DTNA: variants seen among roughly 807,000 people sequenced by gnomAD.
DTNA encodes the protein dystrophin-related protein 3.
DTNA carries 43 observed loss-of-function variants against 100.7 expected under a neutral mutation model. The ratio of observed to expected loss-of-function variants is 0.43; its 90% confidence interval spans 0.33 to 0.55. DTNA has a LOEUF of 0.55. Ranked by LOEUF, DTNA falls within the 20% of genes least tolerant of loss-of-function variation. DTNA has a pLI of 0.04. For synonymous variants in DTNA, 349 were observed against 347.9 expected (o/e 1.00, Z -0.04); for missense variants, 798 against 953.9 (o/e 0.84, Z 2.15).
Position 34,889,855 on chromosome 18 carries a change from T to G in DTNA, c.*2121T>G. On this transcript the variant is annotated 3_prime_UTR_variant, in exon 23 of 23. Coordinates refer to ENST00000444659, the MANE Select transcript of DTNA (RefSeq NM_001386795.1). Reference sequence around the variant, plus strand: ...TTTCTTTGCACAGATTGATTTTTATTGCGGGTTTTGTTGGGGTGTCTTAAT... The same window carrying G: ...TTTCTTTGCACAGATTGATTTTTATGGCGGGTTTTGTTGGGGTGTCTTAAT... 1.0e-6 allele frequency: 1 copy of G among 995,094 alleles called. No homozygotes were observed. Among genetic ancestry groups the G allele is most frequent in the Non-Finnish European group, 1.2e-6 (1 of 835,668 alleles). The allele number at this position is 995,094 out of a possible 1,614,324, so 61.6% of individuals were successfully genotyped here.
intron 1 of DTNA, among the ~76,000 whole-genome samples, chr18:34,652,250 G>A (rs2060545368): frequency 1.3e-5 from 2 of 152,132 alleles, no homozygotes; most frequent in Non-Finnish European, 2.9e-5. Context: ...AATAGCATGT[G>A]TAACACTTGG....
chr18:34,572,839 A>G (rs932827513), intron 1 of DTNA, among the ~76,000 whole-genome samples: 4 of 152,224 alleles, frequency 2.6e-5, no homozygotes, highest in African/African-American at 7.2e-5. Context: ...GCTTTGGGAA[A>G]GTGGCCTCTT....
intron 3 of DTNA, among the ~76,000 whole-genome samples, chr18:34,782,089 C>G (rs9965641): frequency 0.14 from 21,483 of 152,192 alleles, 1,605 homozygotes; most frequent in African/African-American, 0.17. Context: ...TCTTAGAACA[C>G]TGAGGTAAAG....
At chr18:34,669,212 G>T (rs1473838441) in intron 1 of DTNA, among the ~76,000 whole-genome samples, 3 of 152,052 alleles carry the variant, frequency 2.0e-5, no homozygotes, top group Non-Finnish European at 4.4e-5. Flanking sequence ...ATCTTTGTTG[G>T]TTTAAAGTCT....
chr18:34,764,735 A>G (rs4799779), intron 2 of DTNA, among the ~76,000 whole-genome samples: 1 of 152,184 alleles, frequency 6.6e-6, no homozygotes, highest in Non-Finnish European at 1.5e-5. Flanking sequence ...CGTCTAATAT[A>G]ATCGCTTCCA....
intron 1 of DTNA, among the ~76,000 whole-genome samples, chr18:34,728,017 A>T (rs2087132201): frequency 6.6e-6 from 1 of 152,188 alleles, no homozygotes; most frequent in East Asian, 1.9e-4. Context: ...TCCATGGGTA[A>T]TAGATTAATT....
chr18:34,693,993 A>G (rs1033875392), intron 1 of DTNA, among the ~76,000 whole-genome samples: 1 of 152,204 alleles, frequency 6.6e-6, no homozygotes, highest in Non-Finnish European at 1.5e-5. Flanking sequence ...TCTTTGGTCT[A>G]CTACTGTTAT....
chr18:34,584,321 A>C (rs2048918624), intron 1 of DTNA, among the ~76,000 whole-genome samples: 1 of 152,208 alleles, frequency 6.6e-6, no homozygotes, highest in Non-Finnish European at 1.5e-5. Flanking sequence ...CCAACAAGAA[A>C]TGGAAGGAAA....
At chr18:34,534,119 G>A (rs2043438145) in intron 1 of DTNA, among the ~76,000 whole-genome samples, 1 of 151,938 alleles carries the variant, frequency 6.6e-6, no homozygotes, top group South Asian at 2.1e-4. Flanking sequence ...GTCCAAGGCG[G>A]GCAGATAACT....
chr18:34,871,394 T>A (rs1022702766), intron 17 of DTNA, among the ~76,000 whole-genome samples: 4 of 152,224 alleles, frequency 2.6e-5, no homozygotes, highest in African/African-American at 7.2e-5. Context: ...CTATTTTAAA[T>A]TTGCCAAGTG....
chr18:34,591,715 T>C (rs756099010), intron 1 of DTNA, among the ~76,000 whole-genome samples: 1 of 152,200 alleles, frequency 6.6e-6, no homozygotes, highest in Non-Finnish European at 1.5e-5. Context: ...GCCTGCAGTT[T>C]CCCTAAGAAA....
intron 1 of DTNA, among the ~76,000 whole-genome samples, chr18:34,605,617 C>A (rs537197008): frequency 2.0e-4 from 28 of 142,992 alleles, no homozygotes; most frequent in Non-Finnish European, 2.7e-4. Flanking sequence ...TGCAAACCAT[C>A]AAAATTGCAA....
intron 13 of DTNA, 64 bp downstream of exon 13, chr18:34,838,901 C>A: frequency 6.9e-7 from 1 of 1,458,144 alleles, no homozygotes; most frequent in Admixed American, 1.7e-5. Flanking sequence ...TGGTGACAAG[C>A]AGTCTCAGCA....
chr18:34,734,756 TAG>T (rs1383554480), intron 1 of DTNA, among the ~76,000 whole-genome samples: 1 of 152,182 alleles, frequency 6.6e-6, no homozygotes, highest in African/African-American at 2.4e-5. Context: ...GTATTATGTA[TAG>T]AGTCACCAAA....
intron 1 of DTNA, among the ~76,000 whole-genome samples, chr18:34,597,595 A>G (rs1348347656): frequency 1.3e-5 from 2 of 152,158 alleles, no homozygotes; most frequent in Admixed American, 1.3e-4. Context: ...TTCAAAATAA[A>G]GCTTAGTGTC....
At chr18:34,560,059 C>G (rs2046496200) in intron 1 of DTNA, among the ~76,000 whole-genome samples, 1 of 152,122 alleles carries the variant, frequency 6.6e-6, no homozygotes, top group African/African-American at 2.4e-5. Context: ...AAATGCCTTC[C>G]TTTCCCATAC....
intron 1 of DTNA, among the ~76,000 whole-genome samples, chr18:34,741,276 A>G (rs2090604368): frequency 6.6e-6 from 1 of 152,116 alleles, no homozygotes; most frequent in Admixed American, 6.5e-5. Context: ...GTTTCGTAAT[A>G]TTTGAACTAG....
intron 17 of DTNA, chr18:34,867,266 C>A (rs2096715841): frequency 8.1e-7 from 1 of 1,231,272 alleles, no homozygotes; most frequent in Non-Finnish European, 1.0e-6. Context: ...ACCCTTCATT[C>A]CCATGGTCTG....
intron 8 of DTNA, 168 bp downstream of exon 8, chr18:34,818,498 T>C: frequency 6.6e-7 from 1 of 1,511,360 alleles, no homozygotes; most frequent in Admixed American, 2.0e-5. Context: ...GTGCTCTTAC[T>C]TATTCTGTTG....
Sources: gnomAD v4.1 joint callset for allele counts (sites outside exome capture counted in the v4.1 genomes callset) on GRCh38, gnomAD v4.1.1 for gene constraint, MANE v1.5 for transcripts, NCBI Gene and HGNC (gene_info 2026-07-23, HGNC 2026-07-21) for gene names.